IMMP2L: variants seen among roughly 807,000 people sequenced by gnomAD.
IMMP2L encodes the protein mitochondrial inner membrane protease subunit 2.
A neutral mutation model predicts 19.3 loss-of-function variants in IMMP2L; 18 were observed. That is an observed-to-expected ratio of 0.93 (90% CI 0.64 to 1.38). The LOEUF is 1.38. Among genes scored for constraint, IMMP2L ranks in the 40% most tolerant of loss-of-function variants. The pLI, the probability that IMMP2L is intolerant of heterozygous loss-of-function variation, is 0.00. For synonymous variants in IMMP2L, 76 were observed against 73.0 expected (o/e 1.04, Z -0.21); for missense variants, 233 against 218.2 (o/e 1.07, Z -0.43).
intron 3 of IMMP2L, among the ~76,000 whole-genome samples, chr7:111,422,862 G>A (rs1260183860): frequency 1.3e-5 from 2 of 151,932 alleles, no homozygotes; most frequent in East Asian, 3.9e-4. Flanking sequence ...GTTTGTCATA[G>A]ATAGCTCTTT....
chr7:110,883,756 T>C (rs1291881284), intron 5 of IMMP2L, among the ~76,000 whole-genome samples: 3 of 152,182 alleles, frequency 2.0e-5, no homozygotes, highest in East Asian at 3.9e-4. Flanking sequence ...GTTAAATAAA[T>C]AAATAATTTA....
intron 3 of IMMP2L, among the ~76,000 whole-genome samples, chr7:111,366,097 T>C (rs879410758): frequency 1.3e-4 from 20 of 151,982 alleles, no homozygotes; most frequent in Middle Eastern, 3.2e-3. Context: ...AAGAGAAATT[T>C]ACATGCACGG....
chr7:110,704,028 T>C (rs553241588), intron 5 of IMMP2L, among the ~76,000 whole-genome samples: 1 of 152,080 alleles, frequency 6.6e-6, no homozygotes, highest in Non-Finnish European at 1.5e-5. Flanking sequence ...TTTGTATTTT[T>C]AGTAGAGACA....
chr7:111,000,198 C>A (rs1198014976), intron 3 of IMMP2L, among the ~76,000 whole-genome samples: 1 of 152,194 alleles, frequency 6.6e-6, no homozygotes, highest in African/African-American at 2.4e-5. Context: ...ATCCACATTT[C>A]TTACTCATAC....
At chr7:111,473,185 T>C (rs1208878707) in intron 3 of IMMP2L, among the ~76,000 whole-genome samples, 2 of 152,178 alleles carry the variant, frequency 1.3e-5, no homozygotes, top group Non-Finnish European at 2.9e-5. Flanking sequence ...GGTGAAAATC[T>C]AGCTAATAGA....
chr7:110,792,043 A>T (rs1800493122), intron 5 of IMMP2L, among the ~76,000 whole-genome samples: 1 of 151,794 alleles, frequency 6.6e-6, no homozygotes, highest in Non-Finnish European at 1.5e-5. Flanking sequence ...CAAGGGAACT[A>T]ATTTTATCTA....
At chr7:110,744,834 GCTT>G (rs1337649035) in intron 5 of IMMP2L, among the ~76,000 whole-genome samples, 2 of 152,150 alleles carry the variant, frequency 1.3e-5, no homozygotes, top group Non-Finnish European at 2.9e-5. Context: ...AAACCAGAAT[GCTT>G]CTTCTCCTCC....
intron 5 of IMMP2L, among the ~76,000 whole-genome samples, chr7:110,671,942 G>T (rs1372645928): frequency 6.6e-6 from 1 of 152,052 alleles, no homozygotes. Context: ...TGCTGAATTT[G>T]CTAGCCCCTT....
At chr7:111,342,306 A>G (rs1442090264) in intron 3 of IMMP2L, among the ~76,000 whole-genome samples, 1 of 152,114 alleles carries the variant, frequency 6.6e-6, no homozygotes, top group Non-Finnish European at 1.5e-5. Flanking sequence ...ACAAAGAACA[A>G]AGGTTGGCTG....
intron 3 of IMMP2L, among the ~76,000 whole-genome samples, chr7:111,137,396 C>A (rs1240701590): frequency 6.6e-6 from 1 of 152,020 alleles, no homozygotes; most frequent in East Asian, 1.9e-4. Context: ...ATTTCCTAAT[C>A]ATGTCAAAAA....
At chr7:110,990,283 T>G (rs1822317730) in intron 3 of IMMP2L, among the ~76,000 whole-genome samples, 1 of 152,172 alleles carries the variant, frequency 6.6e-6, no homozygotes, top group Non-Finnish European at 1.5e-5. Context: ...AAGAAAATCT[T>G]AAAATGCATG....
Position 110,963,564 on chromosome 7 carries a change from A to G in IMMP2L, c.241T>C (p.Ser81Pro). Residue 81 changes from serine to proline, a missense_variant and splice_region_variant, in exon 4 of 6, where the codon TCT becomes CCT. Physicochemically the swap from Ser to Pro is moderately conservative, Grantham distance 74. Coordinates refer to ENST00000405709, the MANE Select transcript of IMMP2L (RefSeq NM_032549.4). ...ATCTTCTGTTCTGGGTTTTTAGGAG[A>G]CCTAGAACAAGAAGATAACATTATA... ...VHRGDIVSLV[S>P]PKNPEQKIIK... 1 of 1,575,328 alleles carries G rather than the reference A, an allele frequency of 6.3e-7. No homozygotes were observed. Among genetic ancestry groups the G allele is most frequent in the Non-Finnish European group, 8.7e-7 (1 of 1,148,450 alleles).
intron 4 of IMMP2L, among the ~76,000 whole-genome samples, chr7:110,953,173 C>CT (rs1241054830): frequency 1.3e-5 from 2 of 151,940 alleles, no homozygotes; most frequent in Non-Finnish European, 1.5e-5. Context: ...TTTTTCTAAT[C>CT]TTTTTTTATA....
chr7:111,301,155 T>C (rs1258928613), intron 3 of IMMP2L, among the ~76,000 whole-genome samples: 1 of 152,148 alleles, frequency 6.6e-6, no homozygotes, highest in Non-Finnish European at 1.5e-5. Flanking sequence ...TGTGTAGTAA[T>C]AACTTATTGT....
At position 110,781,349 on chromosome 7, in the gene IMMP2L, T is replaced by C. The variant is rs963191870; in HGVS notation, c.408+105244A>G. 1.2e-4 allele frequency among the ~76,000 whole-genome samples: 18 copies of C among 152,048 alleles called. No individual in the cohort carries two copies. In the South Asian group the frequency reaches 3.3e-3, roughly 28 times the overall value. ...GTGACATGTTTCAGTCTACATATTGTAAATGTAAACTCCACAATTCAGATT... is the reference window on the plus strand; with the variant it reads ...GTGACATGTTTCAGTCTACATATTGCAAATGTAAACTCCACAATTCAGATT... On this transcript the variant is annotated intron_variant, in intron 5 of 5. Transcript: ENST00000405709.
chr7:111,506,631 G>A (rs557556119), intron 2 of IMMP2L, among the ~76,000 whole-genome samples: 1 of 152,166 alleles, frequency 6.6e-6, no homozygotes, highest in Admixed American at 6.5e-5. Flanking sequence ...TCCTAACCTC[G>A]TGATCCACCT....
intron 2 of IMMP2L, 49 bp from the exon 3 acceptor site, chr7:111,487,390 C>A (rs776076758): frequency 9.2e-6 from 10 of 1,091,244 alleles, no homozygotes; most frequent in Non-Finnish European, 1.3e-5. Context: ...ATTTTTCAAT[C>A]TTCATGGTTC....
intron 5 of IMMP2L, among the ~76,000 whole-genome samples, chr7:110,794,296 A>C (rs1219086910): frequency 2.0e-5 from 3 of 152,118 alleles, no homozygotes; most frequent in African/African-American, 7.2e-5. Flanking sequence ...TGGTACATAC[A>C]TACAATGAAA....
intron 3 of IMMP2L, among the ~76,000 whole-genome samples, chr7:111,102,143 T>G (rs887675037): frequency 6.6e-6 from 1 of 151,434 alleles, no homozygotes; most frequent in Non-Finnish European, 1.5e-5. Flanking sequence ...ATTTTACAGA[T>G]TTTAGGTCAC....
Sources: gnomAD v4.1 joint callset for allele counts (sites outside exome capture counted in the v4.1 genomes callset) on GRCh38, gnomAD v4.1.1 for gene constraint, MANE v1.5 for transcripts, NCBI Gene and HGNC (gene_info 2026-07-23, HGNC 2026-07-21) for gene names.